PARP8: variants seen among roughly 807,000 people sequenced by gnomAD.
PARP8 encodes the protein protein mono-ADP-ribosyltransferase PARP8.
In PARP8, 51 loss-of-function variants were observed where a neutral mutation model predicts 124.1. The observed-to-expected ratio is 0.41, with a 90% CI of 0.33 to 0.52. PARP8 has a LOEUF of 0.52. PARP8 is among the 20% of genes least tolerant of loss of function. PARP8 has a pLI of 0.21. For missense variants in PARP8, 860 were observed against 1,018.9 expected, an observed-to-expected ratio of 0.84 and a Z score of 2.12; for synonymous variants, 391 against 361.5, an observed-to-expected ratio of 1.08 and a Z score of -0.93.
intron 14 of PARP8, among the ~76,000 whole-genome samples, chr5:50,801,128 T>A (rs1042191349): frequency 4.6e-5 from 7 of 151,764 alleles, no homozygotes; most frequent in South Asian, 2.1e-4. Context: ...ATATATATAT[T>A]TTTGAGATGG....
intron 2 of PARP8, among the ~76,000 whole-genome samples, chr5:50,748,058 A>G (rs1758809952): frequency 6.6e-6 from 1 of 151,924 alleles, no homozygotes; most frequent in Non-Finnish European, 1.5e-5. Context: ...GATTAGATTC[A>G]GGCTCTATTT....
intron 2 of PARP8, among the ~76,000 whole-genome samples, chr5:50,738,314 C>T (rs1757682892): frequency 6.6e-6 from 1 of 152,148 alleles, no homozygotes; most frequent in Non-Finnish European, 1.5e-5. Flanking sequence ...TGTGCGCTTG[C>T]AGTTTTTTCT....
intron 14 of PARP8, among the ~76,000 whole-genome samples, chr5:50,804,788 A>G (rs1265077230): frequency 6.6e-6 from 1 of 152,134 alleles, no homozygotes. Context: ...GACGATTCTG[A>G]TGTTAGTTCT....
intron 2 of PARP8, among the ~76,000 whole-genome samples, chr5:50,684,132 T>C (rs185989404): frequency 6.6e-6 from 1 of 152,310 alleles, no homozygotes; most frequent in East Asian, 1.9e-4. Flanking sequence ...CCTGAAAATA[T>C]TAATCTTTCT....
At chr5:50,757,326 A>G (rs1170051661) in intron 3 of PARP8, 2 of 334,316 alleles carry the variant, frequency 6.0e-6, no homozygotes, top group Non-Finnish European at 1.2e-5. Flanking sequence ...AAATCTTCCA[A>G]AAAGAGAACA....
At chr5:50,812,348 G>C (rs1394144790) in intron 14 of PARP8, among the ~76,000 whole-genome samples, 1 of 152,146 alleles carries the variant, frequency 6.6e-6, no homozygotes, top group Non-Finnish European at 1.5e-5. Flanking sequence ...GACCAGTGAT[G>C]ATGAGCATTT....
chr5:50,704,451 C>G (rs1753924015), intron 2 of PARP8, among the ~76,000 whole-genome samples: 2 of 152,238 alleles, frequency 1.3e-5, no homozygotes, highest in East Asian at 1.9e-4. Flanking sequence ...ATCTTCACTC[C>G]TTATATGCTC....
chr5:50,667,473 C>G (rs1749438439), intron 1 of PARP8: 3 of 700,216 alleles, frequency 4.3e-6, no homozygotes. Context: ...TATTTCCAGC[C>G]CCGCGTAGTG....
rs1200290587 is a variant in PARP8, at chr5:50,827,824, T to C, written c.1978-120T>C. The stretch of plus-strand genomic sequence containing the variant: ...CAAATTAGCTTGCTAATGTGGTTAG[T>C]GGAAAATTACTATAGTTTGAAAGTG... On this transcript the variant is annotated intron_variant, in intron 19 of 25. Transcript: ENST00000281631. 4.3e-6 allele frequency: 3 copies of C among 705,828 alleles called. No homozygotes were observed. The East Asian group carries it at 7.8e-5, about 18-fold the overall frequency. 43.7% of individuals were successfully genotyped at this position (705,828 alleles called of 1,614,324 possible).
chr5:50,709,658 C>T (rs1374210291), intron 2 of PARP8, among the ~76,000 whole-genome samples: 15 of 151,858 alleles, frequency 9.9e-5, no homozygotes, highest in Non-Finnish European at 2.2e-4. Context: ...TAGCCACAGG[C>T]TTACAGTGTC....
intron 2 of PARP8, among the ~76,000 whole-genome samples, chr5:50,679,937 C>G (rs766420571): frequency 1.7e-4 from 26 of 152,232 alleles, no homozygotes; most frequent in Non-Finnish European, 3.4e-4. Context: ...TTCTAAATTA[C>G]GGTCAAATTG....
rs78661143 is a variant in PARP8, at chr5:50,811,184, C to G, written c.1576-4248C>G. ...AAGTGTTTCCATAAAGTAATCAAAT[C>G]ATAGCTTCATCCTGAGGAATGCAGG... is the stretch of plus-strand genomic sequence containing the variant. On this transcript the variant is annotated intron_variant, in intron 14 of 25. Coordinates refer to ENST00000281631, the MANE Select transcript of PARP8 (RefSeq NM_024615.4). Among the ~76,000 whole-genome samples, 841 of 152,108 alleles carry G rather than the reference C, an allele frequency of 5.5e-3. 6 individuals carry two copies. Among genetic ancestry groups the G allele is most frequent in the African/African-American group, 0.019 (788 of 41,516 alleles).
chr5:50,838,962 C>G (rs528463349), intron 25 of PARP8, among the ~76,000 whole-genome samples: 1 of 151,934 alleles, frequency 6.6e-6, no homozygotes, highest in East Asian at 1.9e-4. Context: ...TTCTGCTCAC[C>G]CTATGTTTGG....
chr5:50,728,436 A>AT (rs1173137425), intron 2 of PARP8, among the ~76,000 whole-genome samples: 1 of 152,082 alleles, frequency 6.6e-6, no homozygotes, highest in African/African-American at 2.4e-5. Flanking sequence ...CATCATTTTC[A>AT]TTTTTTTGTC....
chr5:50,837,163 T>C (rs1747674442), intron 25 of PARP8, among the ~76,000 whole-genome samples: 1 of 152,156 alleles, frequency 6.6e-6, no homozygotes, highest in Non-Finnish European at 1.5e-5. Context: ...TACACTCAGA[T>C]ACTTCCTAAA....
chr5:50,671,710 A>G (rs1387653597), intron 2 of PARP8, among the ~76,000 whole-genome samples: 2 of 152,130 alleles, frequency 1.3e-5, no homozygotes, highest in Non-Finnish European at 2.9e-5. Context: ...CAAGAATATA[A>G]CATTAATTTC....
chr5:50,740,555 C>T (rs542810833), intron 2 of PARP8, among the ~76,000 whole-genome samples: 5 of 152,118 alleles, frequency 3.3e-5, no homozygotes, highest in African/African-American at 9.6e-5. Flanking sequence ...CATGGCATGG[C>T]GGCTCATGTC....
At chr5:50,729,683 T>C (rs1296004231) in intron 2 of PARP8, among the ~76,000 whole-genome samples, 1 of 152,200 alleles carries the variant, frequency 6.6e-6, no homozygotes, top group Non-Finnish European at 1.5e-5. Context: ...CTCAGGCATC[T>C]TCCATCCATC....
At chr5:50,718,809 G>A (rs1755582102) in intron 2 of PARP8, among the ~76,000 whole-genome samples, 1 of 151,900 alleles carries the variant, frequency 6.6e-6, no homozygotes, top group African/African-American at 2.4e-5. Flanking sequence ...TTGACATACT[G>A]GTGTTCTTTC....
Sources: allele counts gnomAD v4.1 joint callset (sites outside exome capture counted in the v4.1 genomes callset), GRCh38; gene constraint gnomAD v4.1.1; transcripts MANE v1.5; gene names NCBI Gene and HGNC (gene_info 2026-07-23, HGNC 2026-07-21).